The following RPSA2 variants were observed in gnomAD, a reference collection of about 807,000 sequenced individuals.
RPSA2 encodes the protein small ribosomal subunit protein uS2B.
chr19:23,837,852 G>A, the RPSA2 span, among the ~76,000 whole-genome samples: 1 of 152,178 alleles, frequency 6.6e-6, no homozygotes, highest in East Asian at 1.9e-4. Context: ...CTTTCTGGAG[G>A]AGTCCTTAGG....
chr19:23,844,693 CCA>C, the RPSA2 span, among the ~76,000 whole-genome samples: 4 of 34,902 alleles, frequency 1.1e-4, no homozygotes, highest in Non-Finnish European at 2.3e-4. Context: ...TCTAATTTGT[CCA>C]TTTTTTTATA....
At chr19:23,829,420 A>G in the RPSA2 span, among the ~76,000 whole-genome samples, 2 of 152,018 alleles carry the variant, frequency 1.3e-5, no homozygotes, top group Admixed American at 6.6e-5. Flanking sequence ...ACCTGCCTCA[A>G]CCTCCTGAGT....
At chr19:23,787,610 A>G in the RPSA2 span, among the ~76,000 whole-genome samples, 1 of 152,150 alleles carries the variant, frequency 6.6e-6, no homozygotes, top group Non-Finnish European at 1.5e-5. Flanking sequence ...TTCCATCTCA[A>G]AAAACAAAAA....
At chr19:23,821,789 T>G in the RPSA2 span, among the ~76,000 whole-genome samples, 2 of 152,342 alleles carry the variant, frequency 1.3e-5, no homozygotes, top group Non-Finnish European at 1.5e-5. Context: ...CAACTTGGCC[T>G]CTTCCATGCC....
the RPSA2 span, among the ~76,000 whole-genome samples, chr19:23,762,694 T>TAAAC: frequency 9.5e-6 from 1 of 104,936 alleles, no homozygotes. Context: ...AAAAAAAAAG[T>TAAAC]CCAAATGTTC....
At chr19:23,807,021 A>T in the RPSA2 span, among the ~76,000 whole-genome samples, 1 of 152,040 alleles carries the variant, frequency 6.6e-6, no homozygotes, top group African/African-American at 2.4e-5. Flanking sequence ...CACTATGAAA[A>T]CTTGTTCGAG....
At chr19:23,854,872 G>A in the RPSA2 span, among the ~76,000 whole-genome samples, 2 of 152,138 alleles carry the variant, frequency 1.3e-5, no homozygotes, top group African/African-American at 4.8e-5. Flanking sequence ...GCAACACCTT[G>A]TGATCAGGTA....
the RPSA2 span, among the ~76,000 whole-genome samples, chr19:23,851,483 C>T: frequency 6.6e-6 from 1 of 152,204 alleles, no homozygotes; most frequent in Non-Finnish European, 1.5e-5. Context: ...AGGGTGTCTA[C>T]ATTGGTGAAC....
At chr19:23,767,727 C>T in the RPSA2 span, among the ~76,000 whole-genome samples, 3 of 151,200 alleles carry the variant, frequency 2.0e-5, no homozygotes, top group East Asian at 5.8e-4. Flanking sequence ...GAGTTTGTCA[C>T]CTTGGAAAGA....
the RPSA2 span, among the ~76,000 whole-genome samples, chr19:23,830,111 A>T: frequency 6.7e-6 from 1 of 150,016 alleles, no homozygotes; most frequent in African/African-American, 2.5e-5. Context: ...CTTAATAGGT[A>T]TTTTTTTTAA....
the RPSA2 span, among the ~76,000 whole-genome samples, chr19:23,871,030 C>T: frequency 2.6e-5 from 4 of 152,174 alleles, no homozygotes; most frequent in Non-Finnish European, 4.4e-5. Flanking sequence ...CAGGCCTACA[C>T]TAAGTCAAGC....
At chr19:23,775,178 G>T in the RPSA2 span, among the ~76,000 whole-genome samples, 1 of 152,158 alleles carries the variant, frequency 6.6e-6, no homozygotes, top group Non-Finnish European at 1.5e-5. Context: ...GATTGTTTTT[G>T]TGTATGCACA....
chr19:23,794,076 C>T, the RPSA2 span, among the ~76,000 whole-genome samples: 4 of 152,078 alleles, frequency 2.6e-5, no homozygotes, highest in African/African-American at 9.7e-5. Context: ...CTGATCATAC[C>T]GTATTTTCTT....
chr19:23,766,548 G>A, the RPSA2 span, among the ~76,000 whole-genome samples: 2 of 149,740 alleles, frequency 1.3e-5, no homozygotes, highest in Admixed American at 6.7e-5. Flanking sequence ...TCCGCCTCCC[G>A]GGTTCACGCC....
chr19:23,758,850 G>A, the RPSA2 span: 25 of 1,545,578 alleles, frequency 1.6e-5, no homozygotes, highest in African/African-American at 2.2e-4. Context: ...AGGACACAGA[G>A]CAGTGAAGAC....
chr19:23,811,518 T>C, the RPSA2 span, among the ~76,000 whole-genome samples: 1 of 264 alleles, frequency 3.8e-3, no homozygotes, highest in Non-Finnish European at 0.12. Context: ...TAGGATGCCT[T>C]TTTTTTTTTT....
the RPSA2 span, among the ~76,000 whole-genome samples, chr19:23,857,485 C>CTTTTTTTT: frequency 1.4e-4 from 13 of 95,246 alleles, no homozygotes; most frequent in African/African-American, 2.4e-4. Flanking sequence ...TTTTTAAAGT[C>CTTTTTTTT]TTTTTTTTTT....
At chr19:23,797,829 A>G in the RPSA2 span, among the ~76,000 whole-genome samples, 7 of 152,294 alleles carry the variant, frequency 4.6e-5, no homozygotes, top group African/African-American at 1.2e-4. Context: ...TGTGTGCACA[A>G]TGTGCAAAAT....
At chr19:23,831,945 C>A in the RPSA2 span, 1 of 320,484 alleles carries the variant, frequency 3.1e-6, no homozygotes, top group Non-Finnish European at 6.5e-6. Context: ...AACATAAAAG[C>A]ATTTATACTA....
Sources: allele counts gnomAD v4.1 joint callset (sites outside exome capture counted in the v4.1 genomes callset), GRCh38; gene constraint gnomAD v4.1.1; transcripts MANE v1.5; gene names NCBI Gene and HGNC (gene_info 2026-07-23, HGNC 2026-07-21).